The following MAPK10 variants were observed in gnomAD, a reference collection of about 807,000 sequenced individuals.
MAPK10 encodes the protein JNK3 alpha protein kinase.
Under a neutral mutation model 59.3 loss-of-function variants are expected in MAPK10, and 25 were observed. The observed-to-expected ratio is 0.42, with a 90% confidence interval of 0.31 to 0.59. The LOEUF (loss-of-function observed/expected upper bound fraction) is 0.59. Ranked by LOEUF, MAPK10 falls within the 20% of genes least tolerant of loss-of-function variation. MAPK10 has a pLI of 0.15. For missense variants in MAPK10, 351 were observed against 568.9 expected (o/e 0.62, Z 3.90); for synonymous variants, 190 against 200.5 (o/e 0.95, Z 0.44).
intron 6 of MAPK10, chr4:86,102,606 C>A (rs147735340): frequency 6.5e-6 from 1 of 153,228 alleles, no homozygotes; most frequent in Non-Finnish European, 1.5e-5. Context: ...CTGCAACCTC[C>A]GTCTCCCGGG....
At chr4:86,334,880 T>C (rs1564480980) in intron 2 of MAPK10, among the ~76,000 whole-genome samples, 1 of 152,210 alleles carries the variant, frequency 6.6e-6, no homozygotes, top group Non-Finnish European at 1.5e-5. Context: ...AGAAAATGTC[T>C]GTTTCCCTCA....
intron 2 of MAPK10, among the ~76,000 whole-genome samples, chr4:86,240,423 G>A (rs2092637655): frequency 6.6e-6 from 1 of 152,122 alleles, no homozygotes; most frequent in Non-Finnish European, 1.5e-5. Context: ...CTGTCTCATC[G>A]ATCTGTCTAA....
chr4:86,302,474 C>T (rs994361118), intron 2 of MAPK10, among the ~76,000 whole-genome samples: 1 of 152,148 alleles, frequency 6.6e-6, no homozygotes, highest in Non-Finnish European at 1.5e-5. Context: ...ACTGGCGAAG[C>T]GACTCTGGAC....
At position 86,064,362 on chromosome 4, in the gene MAPK10, C is replaced by T. The variant is rs758609820; in HGVS notation, c.1014G>A (p.Lys338=). The change falls in exon 11 of 14, where the codon AAG becomes AAA. Residue 338 remains lysine (K), a synonymous_variant. Transcript: ENST00000641462. ...KASQARDLLS[K]MLVIDPAKRI... ...TTTTTGCTGGGTCAATCACTAGCATCTTTGACAACAAGTCCCTGGCTTGGC... is the reference window on the plus strand; with the variant it reads ...TTTTTGCTGGGTCAATCACTAGCATTTTTGACAACAAGTCCCTGGCTTGGC... The T allele has an allele frequency of 8.7e-6, 14 of 1,614,104 alleles. No homozygotes were observed. The South Asian group carries it at 1.5e-4, about 18-fold the overall frequency.
At chr4:86,227,259 A>G (rs1238617806) in intron 2 of MAPK10, among the ~76,000 whole-genome samples, 1 of 152,126 alleles carries the variant, frequency 6.6e-6, no homozygotes, top group Non-Finnish European at 1.5e-5. Flanking sequence ...AGGCCGAGGC[A>G]GGCAGATCAC....
chr4:86,263,090 T>A (rs1443251195), intron 2 of MAPK10, among the ~76,000 whole-genome samples: 1 of 152,154 alleles, frequency 6.6e-6, no homozygotes, highest in Non-Finnish European at 1.5e-5. Context: ...ACACTAACTA[T>A]CATCTCCAGG....
intron 1 of MAPK10, among the ~76,000 whole-genome samples, chr4:86,439,582 C>T (rs1252528655): frequency 2.0e-5 from 3 of 152,144 alleles, no homozygotes; most frequent in African/African-American, 7.2e-5. Flanking sequence ...TGTAGACAGA[C>T]GTTTTCCTTT....
At chr4:86,401,723 A>G (rs913206794) in intron 1 of MAPK10, among the ~76,000 whole-genome samples, 2 of 152,158 alleles carry the variant, frequency 1.3e-5, no homozygotes, top group African/African-American at 4.8e-5. Flanking sequence ...CCATTTTCTC[A>G]TTTATAAAAT....
chr4:86,039,102 A>G (rs2040945831), intron 11 of MAPK10, among the ~76,000 whole-genome samples: 1 of 152,194 alleles, frequency 6.6e-6, no homozygotes, highest in South Asian at 2.1e-4. Flanking sequence ...TAAAAGTATG[A>G]TTTGAGGAGA....
chr4:86,410,133 G>C (rs760088427), intron 1 of MAPK10, among the ~76,000 whole-genome samples: 8 of 152,140 alleles, frequency 5.3e-5, no homozygotes, highest in Non-Finnish European at 1.0e-4. Context: ...TTTCTCAAAG[G>C]CCTTTTCTGC....
At chr4:86,484,864 C>T (rs1040623485) in intron 1 of MAPK10, among the ~76,000 whole-genome samples, 3 of 152,128 alleles carry the variant, frequency 2.0e-5, no homozygotes, top group African/African-American at 2.4e-5. Flanking sequence ...TATACTGCAC[C>T]GGTCTCTTGT....
At chr4:86,441,687 C>A (rs1749443777) in intron 1 of MAPK10, among the ~76,000 whole-genome samples, 1 of 152,188 alleles carries the variant, frequency 6.6e-6, no homozygotes, top group East Asian at 1.9e-4. Flanking sequence ...GCCATGAAGA[C>A]TCTAGTGATT....
intron 2 of MAPK10, among the ~76,000 whole-genome samples, chr4:86,254,909 G>C (rs1286893786): frequency 6.6e-6 from 1 of 152,064 alleles, no homozygotes; most frequent in Non-Finnish European, 1.5e-5. Context: ...CAAAACGCTT[G>C]CTCTGATCAC....
At chr4:86,354,018 G>A (rs1174620424) in intron 2 of MAPK10, among the ~76,000 whole-genome samples, 1 of 152,096 alleles carries the variant, frequency 6.6e-6, no homozygotes, top group Non-Finnish European at 1.5e-5. Context: ...GCTTTGTTAA[G>A]CAAAAGGATT....
intron 1 of MAPK10, among the ~76,000 whole-genome samples, chr4:86,568,056 C>A (rs1761190904): frequency 1.3e-5 from 2 of 152,080 alleles, no homozygotes; most frequent in Admixed American, 1.3e-4. Context: ...CCTGAAGACT[C>A]CTCCAAAAGA....
chr4:86,234,708 A>G (rs988542125), intron 2 of MAPK10, among the ~76,000 whole-genome samples: 1 of 152,122 alleles, frequency 6.6e-6, no homozygotes, highest in Non-Finnish European at 1.5e-5. Flanking sequence ...TTTCTTATTA[A>G]TATGGATTTT....
chr4:86,419,071 A>G (rs547081898), intron 1 of MAPK10, among the ~76,000 whole-genome samples: 2 of 152,350 alleles, frequency 1.3e-5, no homozygotes, highest in South Asian at 2.1e-4. Flanking sequence ...GCTCGGGTGC[A>G]ACAAAATCTC....
At chr4:86,450,501 A>G (rs1012215158) in intron 1 of MAPK10, among the ~76,000 whole-genome samples, 14 of 152,232 alleles carry the variant, frequency 9.2e-5, no homozygotes, top group African/African-American at 3.4e-4. Context: ...TATAACTGAA[A>G]AATGGGGGAA....
chr4:86,107,947 C>G (rs1375639805), intron 4 of MAPK10, among the ~76,000 whole-genome samples: 1 of 152,044 alleles, frequency 6.6e-6, no homozygotes, highest in Admixed American at 6.6e-5. Context: ...ATCTTCCTGC[C>G]TCAGTCTCTT....
Sources: gnomAD v4.1 joint callset for allele counts (sites outside exome capture counted in the v4.1 genomes callset) on GRCh38, gnomAD v4.1.1 for gene constraint, MANE v1.5 for transcripts, NCBI Gene and HGNC (gene_info 2026-07-23, HGNC 2026-07-21) for gene names.